The following EYA3 variants were observed in gnomAD, a reference collection of about 807,000 sequenced individuals.
EYA3 encodes EYA transcriptional coactivator and phosphatase 3, also known as protein phosphatase EYA3.
EYA3 carries 39 observed loss-of-function variants against 80.0 expected under a neutral mutation model. That is an observed-to-expected ratio of 0.49 (90% CI 0.38 to 0.64). The LOEUF (loss-of-function observed/expected upper bound fraction) is 0.64, where lower values mean the gene tolerates loss of function less well. Among genes scored for constraint, EYA3 ranks in the 30% least tolerant of loss-of-function variants. EYA3 has a pLI of 0.00. For missense variants in EYA3, 523 were observed against 676.1 expected (o/e 0.77, Z 2.51); for synonymous variants, 206 against 232.8 (o/e 0.88, Z 1.05).
intron 1 of EYA3, among the ~76,000 whole-genome samples, chr1:28,088,193 T>C (rs1645741591): frequency 6.6e-6 from 1 of 150,412 alleles, no homozygotes; most frequent in Admixed American, 6.6e-5. Context: ...GGAAAAGAGG[T>C]TCTAAAAGAA....
intron 11 of EYA3, among the ~76,000 whole-genome samples, chr1:28,001,050 G>T (rs941630935): frequency 4.6e-5 from 7 of 151,980 alleles, no homozygotes; most frequent in Non-Finnish European, 8.8e-5. Flanking sequence ...GCGTGACAGA[G>T]TGAGACTCTG....
At chr1:28,079,890 A>G (rs1357926379) in intron 1 of EYA3, among the ~76,000 whole-genome samples, 1 of 151,188 alleles carries the variant, frequency 6.6e-6, no homozygotes, top group African/African-American at 2.4e-5. Flanking sequence ...TCAGCCTCCC[A>G]AAGTGCTGGG....
chr1:28,007,952 C>A lies in EYA3; in HGVS notation c.909+2995G>T, dbSNP rs1389527162. ...TAGCCAAAACTGTCTTGAAATAGAA[C>A]AAAGTTGAAGGATTCACACTTCCTG... On this transcript the variant is annotated intron_variant, in intron 10 of 17. Transcript: ENST00000373871. 2.0e-5 allele frequency among the ~76,000 whole-genome samples: 3 copies of A among 152,172 alleles called. No individual in the cohort carries two copies. In the East Asian group the frequency reaches 5.8e-4, roughly 29 times the overall value.
intron 4 of EYA3, 60 bp from the exon 5 acceptor site, chr1:28,038,965 A>G: frequency 9.7e-7 from 1 of 1,026,936 alleles, no homozygotes; most frequent in Non-Finnish European, 1.5e-6. Flanking sequence ...ATGGAATGGG[A>G]AAACTGCACA....
chr1:28,028,096 T>C (rs1471167191), intron 6 of EYA3, among the ~76,000 whole-genome samples, 170 bp from the exon 7 acceptor site: 2 of 152,086 alleles, frequency 1.3e-5, no homozygotes. Context: ...CACAAGCAAA[T>C]AACACTTTCA....
chr1:27,990,569 T>TC (rs1639983037), intron 14 of EYA3: 2 of 151,534 alleles, frequency 1.3e-5, no homozygotes, highest in Admixed American at 1.3e-4. Flanking sequence ...TTTTTTTTTT[T>TC]CTGAGATGGA....
intron 3 of EYA3, among the ~76,000 whole-genome samples, chr1:28,046,850 T>TC (rs1275894106): frequency 6.6e-6 from 1 of 151,268 alleles, no homozygotes; most frequent in African/African-American, 2.4e-5. Flanking sequence ...CTTTCTTTTT[T>TC]TTTTTTTAAA....
chr1:27,997,890 G>A (rs1640567119), intron 12 of EYA3, among the ~76,000 whole-genome samples: 1 of 152,220 alleles, frequency 6.6e-6, no homozygotes, highest in African/African-American at 2.4e-5. Context: ...GGAGTTAGAA[G>A]AGGTCATCTA....
chr1:28,047,245 G>C (rs946890381), intron 3 of EYA3, among the ~76,000 whole-genome samples: 2 of 151,878 alleles, frequency 1.3e-5, no homozygotes, highest in Non-Finnish European at 2.9e-5. Flanking sequence ...CCATTCTCCT[G>C]CCTCAGTCTC....
intron 1 of EYA3, among the ~76,000 whole-genome samples, chr1:28,077,716 T>C (rs1204212463): frequency 6.6e-6 from 1 of 152,210 alleles, no homozygotes. Flanking sequence ...AGATCCAGAC[T>C]CAAAGACTCT....
chr1:27,972,062 T>C lies in EYA3; in HGVS notation c.*2404A>G, dbSNP rs764408182. The C allele has an allele frequency of 3.3e-5, 5 of 152,094 alleles. No individual in the cohort carries two copies. Among genetic ancestry groups the C allele is most frequent in the Non-Finnish European group, 5.9e-5 (4 of 68,028 alleles). 9.4% of individuals were successfully genotyped at this position (152,094 alleles called of 1,614,324 possible). The stretch of plus-strand genomic sequence containing the variant: ...AGTGAGTTCAAGTTACATTCTAAAA[T>C]AAAGAGCTCCCAAAAGGGTGGAGAG... On this transcript the variant is annotated 3_prime_UTR_variant, in exon 18 of 18. Coordinates refer to ENST00000373871, the MANE Select transcript of EYA3 (RefSeq NM_001990.4).
At chr1:28,078,144 T>C (rs2148948295) in intron 1 of EYA3, among the ~76,000 whole-genome samples, 1 of 152,300 alleles carries the variant, frequency 6.6e-6, no homozygotes, top group East Asian at 1.9e-4. Context: ...AGAAATCTGG[T>C]CTTGAATGAA....
In EYA3 at chr1:27,970,385, A is replaced by G. The variant is rs539230515; in HGVS notation, c.*4081T>C. On this transcript the variant is annotated 3_prime_UTR_variant, in exon 18 of 18. Coordinates refer to ENST00000373871, the MANE Select transcript of EYA3 (RefSeq NM_001990.4). ...TTTATTTTTTTCAAGTTTATAAGATAGTTCCCATTACATATAACATTACGG... is the reference window on the plus strand; with the variant it reads ...TTTATTTTTTTCAAGTTTATAAGATGGTTCCCATTACATATAACATTACGG... The G allele has an allele frequency of 6.6e-6, 1 of 152,346 alleles. No individual in the cohort carries two copies. The highest frequency in any genetic ancestry group is 2.4e-5 in the African/African-American group (1 of 41,590). 9.4% of individuals were successfully genotyped at this position (152,346 alleles called of 1,614,324 possible).
Position 28,057,984 on chromosome 1 carries a change from A to G in EYA3, c.33+10T>C. On this transcript the variant is annotated intron_variant, in intron 2 of 17. Coordinates refer to ENST00000373871, the MANE Select transcript of EYA3 (RefSeq NM_001990.4). Reference sequence around the variant, plus strand: ...ACAATCAACTTTAAACTGTTAAAGGAAATACTTACTGGTTGCTCTGGTAAA... The same window carrying G: ...ACAATCAACTTTAAACTGTTAAAGGGAATACTTACTGGTTGCTCTGGTAAA... 1 of 1,562,176 alleles carries G rather than the reference A, an allele frequency of 6.4e-7. No homozygotes were observed. Among genetic ancestry groups the G allele is most frequent in the Non-Finnish European group, 8.7e-7 (1 of 1,143,810 alleles).
chr1:28,007,213 T>C (rs1001784002), intron 10 of EYA3, among the ~76,000 whole-genome samples: 1 of 152,078 alleles, frequency 6.6e-6, no homozygotes, highest in African/African-American at 2.4e-5. Context: ...GTGCTGGGAT[T>C]AGAGGCGTGA....
chr1:28,008,831 C>A (rs1641482360), intron 10 of EYA3, among the ~76,000 whole-genome samples: 1 of 152,170 alleles, frequency 6.6e-6, no homozygotes, highest in South Asian at 2.1e-4. Context: ...GTAATCCCAG[C>A]TACTCAGGAG....
rs1638837176 is a variant in EYA3 at position 27,974,343 on chromosome 1, G to C, written c.*123C>G. On this transcript the variant is annotated 3_prime_UTR_variant, in exon 18 of 18. Transcript: ENST00000373871. ...AGAGGGAGAGAGAGAAAGAGAGAAA[G>C]AGAGAGAGATAGAGACAGAGACACA... 1 of 587,196 alleles carries C rather than the reference G, an allele frequency of 1.7e-6. No individual in the cohort carries two copies. Among genetic ancestry groups the C allele is most frequent in the South Asian group, 2.4e-5 (1 of 41,916 alleles). 36.4% of individuals were successfully genotyped at this position (587,196 alleles called of 1,614,324 possible).
chr1:28,028,490 G>T (rs74610033), intron 6 of EYA3, among the ~76,000 whole-genome samples: 1,783 of 149,740 alleles, frequency 0.012, 14 homozygotes, highest in Middle Eastern at 0.031. Flanking sequence ...ACATAATTTA[G>T]AAAAAAAATA....
Position 27,989,775 on chromosome 1 carries a change from C to G in EYA3, c.1340G>C (p.Arg447Thr), listed in dbSNP as rs959247617. 6.2e-7 allele frequency: 1 copy of G among 1,611,554 alleles called. No individual in the cohort carries two copies. The highest frequency in any genetic ancestry group is 8.5e-7 in the Non-Finnish European group (1 of 1,178,678). Residue 447 changes from arginine (R) to threonine (T), a missense_variant, in exon 15 of 18, where the codon AGA becomes ACA. Physicochemically the swap from Arg to Thr is moderately conservative, Grantham distance 71. Coordinates refer to ENST00000373871, the MANE Select transcript of EYA3 (RefSeq NM_001990.4). Reference protein sequence around the residue: ...LSPQRKEALQRLRAEIEVLTD... With the variant: ...LSPQRKEALQTLRAEIEVLTD... ...TAAAACTTCAATTTCTGCTCTTAAT[C>G]TCTGCAGTGCTTCCTTCCTCTGGGG...
Sources: gnomAD v4.1 joint callset for allele counts (sites outside exome capture counted in the v4.1 genomes callset) on GRCh38, gnomAD v4.1.1 for gene constraint, MANE v1.5 for transcripts, NCBI Gene and HGNC (gene_info 2026-07-23, HGNC 2026-07-21) for gene names.